Variants in ZFHX3 observed in about 807,000 individuals in gnomAD.
ZFHX3 encodes the protein zinc finger homeobox protein 3.
In ZFHX3, 42 loss-of-function variants were observed where a neutral mutation model predicts 279.1. That is an observed-to-expected ratio of 0.15 (90% CI 0.12 to 0.19). The LOEUF (loss-of-function observed/expected upper bound fraction) is 0.19, where lower values mean the gene tolerates loss of function less well. ZFHX3 is among the 10% of genes least tolerant of loss of function. ZFHX3 has a pLI of 1.00. For synonymous variants in ZFHX3, 2,293 were observed against 1,957.8 expected (o/e 1.17, Z -4.52); for missense variants, 4,981 against 4,754.0 (o/e 1.05, Z -1.40).
intron 5 of ZFHX3, among the ~76,000 whole-genome samples, chr16:73,241,790 C>CA (rs60214410): frequency 0.14 from 7,184 of 50,300 alleles, 532 homozygotes; most frequent in African/African-American, 0.18. Context: ...AACTCCGTCT[C>CA]AAAAAAAAAA....
At position 72,959,186 on chromosome 16, in the gene ZFHX3, C is replaced by T. The variant is rs1303143973; in HGVS notation, c.960G>A (p.Lys320=). 1.2e-6 allele frequency: 2 copies of T among 1,614,202 alleles called. No individual in the cohort carries two copies. Among genetic ancestry groups the T allele is most frequent in the Non-Finnish European group, 8.5e-7 (1 of 1,180,044 alleles). Residue 320 remains lysine, a synonymous_variant, in exon 2 of 10, where the codon AAG becomes AAA. Coordinates refer to ENST00000268489, the MANE Select transcript of ZFHX3 (RefSeq NM_006885.4). The part of the protein sequence containing the change: ...SEDERKILSN[K]NISAIIQGIG... ...TCCCTTGGATGATAGCGGAGATGTT[C>T]TTATTGCTAAGAATTTTCCGCTCGT...
chr16:73,360,646 G>A (rs897119943), intron 3 of ZFHX3, among the ~76,000 whole-genome samples: 1 of 152,216 alleles, frequency 6.6e-6, no homozygotes, highest in Admixed American at 6.5e-5. Flanking sequence ...GCCGTATAAA[G>A]CCAGGATTTG....
At chr16:73,131,023 C>A (rs1966669913) in exon 7 of ZFHX3, 10 of 1,303,240 alleles carry the variant, frequency 7.7e-6, no homozygotes, top group Non-Finnish European at 1.0e-5. Context: ...TGGAGTTAGA[C>A]CCCCTGGGCT....
intron 2 of ZFHX3, among the ~76,000 whole-genome samples, chr16:73,590,323 A>G (rs1462766942): frequency 6.6e-6 from 1 of 152,238 alleles, no homozygotes; most frequent in Non-Finnish European, 1.5e-5. Flanking sequence ...AACCAACAGG[A>G]ACCAGGGCTC....
chr16:73,623,650 A>G (rs1031043942), intron 2 of ZFHX3, among the ~76,000 whole-genome samples: 1 of 152,198 alleles, frequency 6.6e-6, no homozygotes, highest in Non-Finnish European at 1.5e-5. Context: ...TGCATGTGAA[A>G]AATCGTGAAA....
In ZFHX3 at chr16:73,120,843, A is replaced by T. The variant is rs1966490491; in HGVS notation, c.-897+10125T>A. Among the ~76,000 whole-genome samples, 5 of 151,470 alleles carry T rather than the reference A, an allele frequency of 3.3e-5. No individual in the cohort carries two copies. The South Asian group carries it at 1.0e-3, about 32-fold the overall frequency. On this transcript the variant is annotated intron_variant, in intron 7 of 17. Coordinates refer to the ZFHX3 transcript ENST00000641206. Reference sequence around the variant, plus strand: ...CGAATTTTTTATATTTTTAATAGAGATGGGATTTCACCGTGTTAGCCAGCA... The same window carrying T: ...CGAATTTTTTATATTTTTAATAGAGTTGGGATTTCACCGTGTTAGCCAGCA...
intron 2 of ZFHX3, among the ~76,000 whole-genome samples, chr16:73,476,150 A>C (rs2018761434): frequency 6.6e-6 from 1 of 152,188 alleles, no homozygotes; most frequent in South Asian, 2.1e-4. Flanking sequence ...AGTTGCAACT[A>C]GCTAAATATT....
chr16:72,921,879 AG>A (rs991842723), intron 3 of ZFHX3, among the ~76,000 whole-genome samples: 3 of 152,212 alleles, frequency 2.0e-5, no homozygotes, highest in African/African-American at 7.2e-5. Flanking sequence ...AAGGCTGTCC[AG>A]GGAAAAATGA....
intron 3 of ZFHX3, among the ~76,000 whole-genome samples, chr16:73,361,878 T>C (rs7186389): frequency 0.31 from 47,287 of 152,070 alleles, 7,756 homozygotes; most frequent in African/African-American, 0.42. Flanking sequence ...GTTTGGCCAA[T>C]AGGAGGGATT....
At chr16:73,317,340 C>A (rs891805281) in intron 4 of ZFHX3, among the ~76,000 whole-genome samples, 8 of 152,086 alleles carry the variant, frequency 5.3e-5, no homozygotes, top group African/African-American at 1.4e-4. Context: ...ATTAATCTTG[C>A]TTTCTTCCCA....
intron 5 of ZFHX3, chr16:73,233,869 T>G (rs1162188684): frequency 6.6e-6 from 1 of 152,194 alleles, no homozygotes; most frequent in Non-Finnish European, 1.5e-5. Flanking sequence ...AATTTCACAT[T>G]GCTTCCTTAT....
intron 5 of ZFHX3, among the ~76,000 whole-genome samples, chr16:73,156,809 G>A (rs766934771): frequency 6.6e-6 from 1 of 152,076 alleles, no homozygotes; most frequent in Non-Finnish European, 1.5e-5. Context: ...CGCTTCCTGG[G>A]TTCAAGTGAT....
chr16:73,803,985 C>T (rs142502902), intron 1 of ZFHX3, among the ~76,000 whole-genome samples: 2 of 152,032 alleles, frequency 1.3e-5, no homozygotes, highest in African/African-American at 2.4e-5. Flanking sequence ...GGCAAAACCG[C>T]GTCTCTACAA....
chr16:73,639,160 C>G (rs2052552589), intron 2 of ZFHX3, among the ~76,000 whole-genome samples: 1 of 152,020 alleles, frequency 6.6e-6, no homozygotes, highest in Non-Finnish European at 1.5e-5. Flanking sequence ...TTCTTCATAC[C>G]CAAGAACCCA....
exon 8 of ZFHX3, chr16:73,093,345 A>G: frequency 2.4e-6 from 1 of 409,888 alleles, no homozygotes; most frequent in South Asian, 1.8e-5. Flanking sequence ...TGCCCAGGCC[A>G]ACAGACGTCT....
chr16:73,260,344 T>C (rs2144967107), intron 4 of ZFHX3, among the ~76,000 whole-genome samples: 1 of 152,306 alleles, frequency 6.6e-6, no homozygotes, highest in South Asian at 2.1e-4. Context: ...AGTATCTTTT[T>C]GGGAGATATT....
rs182505811 is a variant in ZFHX3, at chr16:73,483,146, G to A, written c.-1546-26888C>T. Among the ~76,000 whole-genome samples the A allele has an allele frequency of 2.1e-3, 323 of 152,234 alleles. 1 individual carries two copies. Among genetic ancestry groups the A allele is most frequent in the African/African-American group, 7.3e-3 (303 of 41,550 alleles). On this transcript the variant is annotated intron_variant, in intron 2 of 17. Transcript: ENST00000641206. ...GGATCAGCTTAGGGTCTGGGGGCTG[G>A]CTGTGCACATCTGAGGCCCGATCCC...
chr16:73,820,980 TA>T (rs1363537229), intron 1 of ZFHX3, among the ~76,000 whole-genome samples: 2 of 152,074 alleles, frequency 1.3e-5, no homozygotes, highest in African/African-American at 4.8e-5. Flanking sequence ...GCAGTCAACT[TA>T]GGAGACAACT....
At position 72,787,457 on chromosome 16, in the gene ZFHX3, AGGAGGGGGCGGCGGCC is replaced by A; in HGVS notation, c.10803_10818del (p.Ala3602ProfsTer87). On this transcript the variant is annotated frameshift_variant, in exon 10 of 10. Coordinates refer to ENST00000268489, the MANE Select transcript of ZFHX3 (RefSeq NM_006885.4). LOFTEE classifies it high-confidence loss of function. ...TTCCTGGAGGCGTGGGGGGAAGCGG[AGGAGGGGGCGGCGGCC>A]GACGGGGGAGGGGGGCTGTCGTTTG... 8.7e-7 allele frequency: 1 copy of A among 1,145,802 alleles called. No homozygotes were observed. The highest frequency in any genetic ancestry group is 1.8e-5 in the South Asian group (1 of 55,042). 71.0% of individuals were successfully genotyped at this position (1,145,802 alleles called of 1,614,324 possible). A position where few individuals can be genotyped will look rare whatever the true frequency, so the allele number is the denominator to read the frequency against.
Sources: allele counts gnomAD v4.1 joint callset (sites outside exome capture counted in the v4.1 genomes callset), GRCh38; gene constraint gnomAD v4.1.1; transcripts MANE v1.5; gene names NCBI Gene and HGNC (gene_info 2026-07-23, HGNC 2026-07-21).